NBEA: variants seen among roughly 807,000 people sequenced by gnomAD.
The protein encoded by NBEA is lysosomal-trafficking regulator 2.
Under a neutral mutation model 343.4 loss-of-function variants are expected in NBEA, and 44 were observed. The observed-to-expected ratio is 0.13, with a 90% CI of 0.10 to 0.16. NBEA has a LOEUF of 0.16. Among genes scored for constraint, NBEA ranks in the 10% least tolerant of loss-of-function variants. NBEA has a pLI of 1.00. For missense variants in NBEA, 2,555 were observed against 3,631.3 expected, an observed-to-expected ratio of 0.70 and a Z score of 7.62; for synonymous variants, 1,175 against 1,238.7, an observed-to-expected ratio of 0.95 and a Z score of 1.08.
At chr13:35,506,419 T>C (rs1036886769) in intron 41 of NBEA, among the ~76,000 whole-genome samples, 4 of 152,206 alleles carry the variant, frequency 2.6e-5, no homozygotes, top group African/African-American at 9.6e-5. Flanking sequence ...GGCAGTAGTT[T>C]AAATACTTAG....
chr13:35,191,867 T>G (rs181331978), intron 30 of NBEA, among the ~76,000 whole-genome samples: 101 of 152,224 alleles, frequency 6.6e-4, no homozygotes, highest in African/African-American at 2.3e-3. Flanking sequence ...TCATAAATCA[T>G]GGTAAAACAG....
intron 13 of NBEA, among the ~76,000 whole-genome samples, chr13:35,112,026 C>G (rs1402116374): frequency 1.3e-5 from 2 of 149,382 alleles, no homozygotes; most frequent in African/African-American, 2.5e-5. Context: ...ATGCCGTTCT[C>G]CTGCCTCAGC....
At chr13:34,984,754 A>G (rs967530233) in intron 1 of NBEA, among the ~76,000 whole-genome samples, 1 of 150,932 alleles carries the variant, frequency 6.6e-6, no homozygotes, top group Non-Finnish European at 1.5e-5. Flanking sequence ...GGTCCTTCAC[A>G]TCCCTTGTAA....
chr13:35,322,514 C>T (rs570460641), intron 36 of NBEA, among the ~76,000 whole-genome samples: 33 of 152,138 alleles, frequency 2.2e-4, no homozygotes, highest in African/African-American at 2.7e-4. Flanking sequence ...AGAAATCAAC[C>T]GCCTTCTGGG....
At position 35,550,457 on chromosome 13, in the gene NBEA, C is replaced by G. The variant is rs2079263146; in HGVS notation, c.6586-20C>G. 1 of 1,465,940 alleles carries G rather than the reference C, an allele frequency of 6.8e-7. No homozygotes were observed. Among genetic ancestry groups the G allele is most frequent in the South Asian group, 1.2e-5 (1 of 85,382 alleles). The allele number at this position is 1,465,940 out of a possible 1,614,324, so 90.8% of individuals were successfully genotyped here. Reference sequence around the variant, plus strand: ...CCATATTTTATTGATTGACACTTCCCTTTAAACTGTTTATTTTAGGTTCTT... The same window carrying G: ...CCATATTTTATTGATTGACACTTCCGTTTAAACTGTTTATTTTAGGTTCTT... On this transcript the variant is annotated intron_variant, in intron 41 of 58. Transcript: ENST00000379939.
chr13:35,474,422 A>G (rs112354142), intron 41 of NBEA: 1 of 152,808 alleles, frequency 6.5e-6, no homozygotes, highest in African/African-American at 2.4e-5. Flanking sequence ...AGAACAAGCA[A>G]TATTTGAAAC....
intron 40 of NBEA, among the ~76,000 whole-genome samples, chr13:35,452,661 T>C (rs2046367421): frequency 6.6e-6 from 1 of 152,140 alleles, no homozygotes; most frequent in African/African-American, 2.4e-5. Context: ...AAAGAATGTC[T>C]CTCTCCACTC....
At chr13:35,227,056 T>A (rs1435403613) in intron 33 of NBEA, among the ~76,000 whole-genome samples, 1 of 152,152 alleles carries the variant, frequency 6.6e-6, no homozygotes, top group Non-Finnish European at 1.5e-5. Context: ...CATCATGCAC[T>A]TGAAAATAAT....
intron 17 of NBEA, among the ~76,000 whole-genome samples, chr13:35,130,125 G>C (rs2067335616): frequency 6.6e-6 from 1 of 152,120 alleles, no homozygotes; most frequent in Admixed American, 6.6e-5. Context: ...ACTCTGGTGA[G>C]GGATGTTGAC....
chr13:35,157,613 G>A (rs1347079775), intron 21 of NBEA, among the ~76,000 whole-genome samples: 2 of 151,906 alleles, frequency 1.3e-5, no homozygotes, highest in African/African-American at 4.8e-5. Context: ...TACTTTTTAA[G>A]ACTTTTTTTT....
chr13:35,060,466 T>C (rs1434239090), intron 8 of NBEA, among the ~76,000 whole-genome samples: 1 of 151,788 alleles, frequency 6.6e-6, no homozygotes, highest in Non-Finnish European at 1.5e-5. Context: ...TGACATAGTG[T>C]ATCCTTAGTA....
rs1391666462 is a variant in NBEA at position 35,118,359 on chromosome 13, C to T, written c.2146-18C>T. 4 of 1,590,310 alleles carry T rather than the reference C, an allele frequency of 2.5e-6. No individual in the cohort carries two copies. Among genetic ancestry groups the T allele is most frequent in the South Asian group, 2.3e-5 (2 of 87,196 alleles). On this transcript the variant is annotated intron_variant, in intron 15 of 58. Coordinates refer to ENST00000379939, the MANE Select transcript of NBEA (RefSeq NM_001385012.1). ...TCTTTAGAGTAAAATTTTAAATCAA[C>T]ATTGGTGATTTATGCAGGATGAAAA...
At chr13:35,589,500 C>T (rs921184854) in intron 46 of NBEA, among the ~76,000 whole-genome samples, 1 of 151,996 alleles carries the variant, frequency 6.6e-6, no homozygotes, top group Admixed American at 6.6e-5. Context: ...GTCCCAGGCA[C>T]TACCTATTAC....
chr13:35,059,075 C>T (rs1045031052), intron 8 of NBEA, among the ~76,000 whole-genome samples: 6 of 152,038 alleles, frequency 3.9e-5, no homozygotes, highest in Admixed American at 1.3e-4. Flanking sequence ...TTCTAATATT[C>T]ATGGCATGCC....
chr13:35,324,891 C>T (rs1042322056), intron 36 of NBEA, among the ~76,000 whole-genome samples: 13 of 152,088 alleles, frequency 8.5e-5, no homozygotes, highest in African/African-American at 3.1e-4. Flanking sequence ...AACAAAAAAT[C>T]ATCCCTGGCT....
chr13:35,360,592 A>G (rs1320157000), intron 38 of NBEA, among the ~76,000 whole-genome samples: 2 of 152,092 alleles, frequency 1.3e-5, no homozygotes, highest in Non-Finnish European at 2.9e-5. Context: ...CTTTATTATC[A>G]TCTTCCATGA....
intron 34 of NBEA, among the ~76,000 whole-genome samples, chr13:35,240,473 A>G (rs1301178417): frequency 6.6e-6 from 1 of 151,926 alleles, no homozygotes; most frequent in African/African-American, 2.4e-5. Context: ...GTATGAATGA[A>G]TGAATAAAAT....
intron 11 of NBEA, among the ~76,000 whole-genome samples, chr13:35,101,445 CTTTTCATATGCTTGTTGTCTA>C (rs1201962112): frequency 4.6e-5 from 7 of 151,810 alleles, no homozygotes; most frequent in Non-Finnish European, 8.9e-5. Flanking sequence ...TGCTGAATAT[CTTTTCATATGCTTGTTGTCTA>C]TTTTCATGTG....
chr13:35,242,833 T>A (rs1391655945), intron 34 of NBEA, among the ~76,000 whole-genome samples: 1 of 151,608 alleles, frequency 6.6e-6, no homozygotes, highest in Non-Finnish European at 1.5e-5. Context: ...GGAGGAGAAA[T>A]TAAGAATTTT....
Sources: allele counts gnomAD v4.1 joint callset (sites outside exome capture counted in the v4.1 genomes callset), GRCh38; gene constraint gnomAD v4.1.1; transcripts MANE v1.5; gene names NCBI Gene and HGNC (gene_info 2026-07-23, HGNC 2026-07-21).